The following AFF3 variants were observed in gnomAD, a reference collection of about 807,000 sequenced individuals.
AFF3 encodes AF4/FMR2 family member 3.
A neutral mutation model predicts 129.7 loss-of-function variants in AFF3; 32 were observed. That is an observed-to-expected ratio of 0.25 (90% CI 0.19 to 0.33). The LOEUF is 0.33. Ranked by LOEUF, AFF3 falls within the 10% of genes least tolerant of loss-of-function variation. The pLI, the probability that AFF3 is intolerant of heterozygous loss-of-function variation, is 1.00. For synonymous variants in AFF3, 644 were observed against 635.4 expected (o/e 1.01, Z -0.20); for missense variants, 1,373 against 1,592.0 (o/e 0.86, Z 2.34).
chr2:99,612,418 C>T (rs191658630), intron 13 of AFF3, among the ~76,000 whole-genome samples: 3 of 152,288 alleles, frequency 2.0e-5, no homozygotes, highest in East Asian at 1.9e-4. Flanking sequence ...TCAGATTTTA[C>T]AAGGGTGTAT....
At chr2:99,645,738 G>T (rs538482776) in intron 13 of AFF3, among the ~76,000 whole-genome samples, 51 of 152,310 alleles carry the variant, frequency 3.3e-4, no homozygotes, top group African/African-American at 1.0e-3. Flanking sequence ...TAAAATTTAT[G>T]TAACGGAAAT....
chr2:99,973,297 G>A (rs1678572019), intron 7 of AFF3, among the ~76,000 whole-genome samples: 1 of 152,144 alleles, frequency 6.6e-6, no homozygotes, highest in African/African-American at 2.4e-5. Flanking sequence ...CCCTAGCAAA[G>A]GACTTCTTTG....
intron 7 of AFF3, among the ~76,000 whole-genome samples, chr2:99,843,190 T>C (rs910868672): frequency 1.3e-5 from 2 of 152,192 alleles, no homozygotes; most frequent in African/African-American, 4.8e-5. Context: ...CCATCATAAT[T>C]CCATGGGAAG....
intron 4 of AFF3, among the ~76,000 whole-genome samples, chr2:100,045,304 C>T (rs868109660): frequency 1.3e-5 from 2 of 152,140 alleles, no homozygotes; most frequent in East Asian, 1.9e-4. Flanking sequence ...GCATGTTCAC[C>T]GGCGCTCTTT....
chr2:99,849,282 G>A (rs1689964204), intron 7 of AFF3, among the ~76,000 whole-genome samples: 1 of 152,162 alleles, frequency 6.6e-6, no homozygotes, highest in Admixed American at 6.5e-5. Context: ...GGGACTGGCA[G>A]ATACAGTCAC....
chr2:100,102,434 T>C (rs1690803481), intron 4 of AFF3, among the ~76,000 whole-genome samples: 1 of 152,220 alleles, frequency 6.6e-6, no homozygotes, highest in Admixed American at 6.5e-5. Flanking sequence ...GATGCACTGA[T>C]TAAAATGTGA....
chr2:100,004,625 C>G (rs1003608462), intron 7 of AFF3, among the ~76,000 whole-genome samples: 17 of 152,132 alleles, frequency 1.1e-4, no homozygotes, highest in African/African-American at 3.4e-4. Flanking sequence ...AAATATTGAA[C>G]AATGCACCTG....
chr2:99,858,488 C>T (rs969069549), intron 7 of AFF3, among the ~76,000 whole-genome samples: 3 of 151,860 alleles, frequency 2.0e-5, no homozygotes, highest in Non-Finnish European at 2.9e-5. Flanking sequence ...GAGGTCGAGG[C>T]TGCAGTGAGC....
intron 4 of AFF3, among the ~76,000 whole-genome samples, chr2:100,079,239 C>T (rs1383047909): frequency 6.6e-6 from 1 of 152,152 alleles, no homozygotes; most frequent in Non-Finnish European, 1.5e-5. Context: ...AGCCACAGTG[C>T]CTGGCCTTTT....
At chr2:99,781,049 T>A (rs575353649) in intron 8 of AFF3, among the ~76,000 whole-genome samples, 1 of 152,328 alleles carries the variant, frequency 6.6e-6, no homozygotes, top group East Asian at 1.9e-4. Flanking sequence ...GATCTGGCCC[T>A]GGTTCCCTCC....
rs1489879010 is a variant in AFF3, at chr2:99,582,786, G to A, written c.2793+12C>T. The A allele has an allele frequency of 6.2e-7, 1 of 1,613,596 alleles. No homozygotes were observed. The highest frequency in any genetic ancestry group is 1.7e-5 in the Admixed American group (1 of 60,022). On this transcript the variant is annotated intron_variant, in intron 17 of 24. Transcript: ENST00000672756. ...TTTGGTTTTAATTGGGAAAGGAAGAGCATCAACAAACCGTGAGGTCTCCGC... is the reference window on the plus strand; with the variant it reads ...TTTGGTTTTAATTGGGAAAGGAAGAACATCAACAAACCGTGAGGTCTCCGC...
intron 13 of AFF3, among the ~76,000 whole-genome samples, chr2:99,636,993 C>T (rs1269849493): frequency 6.6e-6 from 1 of 152,068 alleles, no homozygotes; most frequent in Non-Finnish European, 1.5e-5. Flanking sequence ...GTGGTGTGCT[C>T]CAGCTGGCTC....
chr2:100,091,200 A>G (rs1425972351), intron 4 of AFF3, among the ~76,000 whole-genome samples: 1 of 151,920 alleles, frequency 6.6e-6, no homozygotes, highest in African/African-American at 2.4e-5. Context: ...AATGGGGAAT[A>G]GTAGAATCCA....
At position 99,546,658 on chromosome 2, in the gene AFF3, TAGGG is replaced by T; in HGVS notation, c.*4812_*4815del. Reference sequence around the variant, plus strand: ...AAGTTAACAAACTTACCCTCCCACATAGGGGATGCTTCATGTCAAGCCACTGGTC... The same window carrying T: ...AAGTTAACAAACTTACCCTCCCACATGATGCTTCATGTCAAGCCACTGGTC... On this transcript the variant is annotated 3_prime_UTR_variant, in exon 25 of 25. Coordinates refer to ENST00000672756, the MANE Select transcript of AFF3 (RefSeq NM_001386135.1). The T allele has an allele frequency of 4.3e-6, 1 of 230,664 alleles. No individual in the cohort carries two copies. The highest frequency in any genetic ancestry group is 2.2e-5 in the African/African-American group (1 of 45,330). 14.3% of individuals were successfully genotyped at this position (230,664 alleles called of 1,614,324 possible).
intron 15 of AFF3, 65 bp downstream of exon 15, chr2:99,593,130 C>T (rs1027610195): frequency 1.3e-6 from 2 of 1,507,834 alleles, no homozygotes; most frequent in African/African-American, 1.4e-5. Context: ...TATCCAAGTA[C>T]CCACAAGTTA....
At chr2:99,621,114 T>TAG (rs1681960196) in intron 13 of AFF3, among the ~76,000 whole-genome samples, 1 of 152,260 alleles carries the variant, frequency 6.6e-6, no homozygotes, top group African/African-American at 2.4e-5. Flanking sequence ...AATTTCCAAC[T>TAG]AGAAGCTGTG....
At chr2:99,840,536 AAT>A (rs1689240206) in intron 7 of AFF3, among the ~76,000 whole-genome samples, 1 of 152,172 alleles carries the variant, frequency 6.6e-6, no homozygotes, top group South Asian at 2.1e-4. Context: ...AGCCAAGAAA[AAT>A]AGTGTTCAAT....
chr2:99,570,076 C>T (rs186728263), intron 18 of AFF3, among the ~76,000 whole-genome samples: 1 of 152,194 alleles, frequency 6.6e-6, no homozygotes, highest in African/African-American at 2.4e-5. Flanking sequence ...CATCCCCATG[C>T]CCCCCTCTGA....
chr2:99,804,574 C>A (rs1308211389), intron 8 of AFF3, among the ~76,000 whole-genome samples: 1 of 152,166 alleles, frequency 6.6e-6, no homozygotes, highest in African/African-American at 2.4e-5. Flanking sequence ...ATTCAGCAAT[C>A]CCACTACAGG....
Sources: gnomAD v4.1 joint callset for allele counts (sites outside exome capture counted in the v4.1 genomes callset) on GRCh38, gnomAD v4.1.1 for gene constraint, MANE v1.5 for transcripts, NCBI Gene and HGNC (gene_info 2026-07-23, HGNC 2026-07-21) for gene names.